Variants in BORCS5 observed in about 807,000 individuals in gnomAD.
BORCS5 encodes the protein BLOC-1-related complex subunit 5.
Under a neutral mutation model 22.1 loss-of-function variants are expected in BORCS5, and 17 were observed. The observed-to-expected ratio is 0.77, with a 90% CI of 0.53 to 1.15. BORCS5 has a LOEUF of 1.15. BORCS5 is among the 50% of genes most tolerant of loss of function. BORCS5 has a pLI of 0.00. For missense variants in BORCS5, 247 were observed against 253.2 expected, an observed-to-expected ratio of 0.98 and a Z score of 0.17; for synonymous variants, 117 against 99.8, an observed-to-expected ratio of 1.17 and a Z score of -1.03.
chr12:12,434,267 G>A (rs1942503616), intron 2 of BORCS5, among the ~76,000 whole-genome samples: 1 of 129,938 alleles, frequency 7.7e-6, no homozygotes, highest in Non-Finnish European at 1.6e-5. Flanking sequence ...GGGCAACAGA[G>A]CAAGACTCTG....
At chr12:12,450,073 AATTC>A (rs1328917691) in intron 3 of BORCS5, among the ~76,000 whole-genome samples, 1 of 152,224 alleles carries the variant, frequency 6.6e-6, no homozygotes, top group African/African-American at 2.4e-5. Flanking sequence ...ACACAGTTAT[AATTC>A]ATTGGGTAAA....
intron 2 of BORCS5, among the ~76,000 whole-genome samples, chr12:12,414,092 G>A (rs1592101783): frequency 1.1e-5 from 1 of 90,014 alleles, no homozygotes; most frequent in Non-Finnish European, 2.3e-5. Flanking sequence ...GGACGGGGCG[G>A]CTGGCCGGGC....
At chr12:12,379,524 TAA>T (rs1361762270) in intron 2 of BORCS5, among the ~76,000 whole-genome samples, 3 of 151,598 alleles carry the variant, frequency 2.0e-5, no homozygotes, top group African/African-American at 4.8e-5. Flanking sequence ...GTATTTGAAC[TAA>T]GTTATCTACT....
intron 2 of BORCS5, among the ~76,000 whole-genome samples, chr12:12,414,777 C>A (rs1344637943): frequency 7.2e-6 from 1 of 138,798 alleles, no homozygotes. Flanking sequence ...GACGGAGGGG[C>A]TCCTCACTTC....
At chr12:12,455,444 A>C (rs1296432083) in intron 3 of BORCS5, among the ~76,000 whole-genome samples, 1 of 152,202 alleles carries the variant, frequency 6.6e-6, no homozygotes, top group Non-Finnish European at 1.5e-5. Flanking sequence ...ATTAAAAGCT[A>C]AACATTACCT....
At chr12:12,367,944 C>CA (rs1228174162) in intron 2 of BORCS5, among the ~76,000 whole-genome samples, 7 of 152,206 alleles carry the variant, frequency 4.6e-5, no homozygotes, top group Non-Finnish European at 4.4e-5. Context: ...AGAAGACGAA[C>CA]ACTTTCTTTC....
At chr12:12,410,395 GT>G (rs1311474740) in intron 2 of BORCS5, among the ~76,000 whole-genome samples, 1 of 152,110 alleles carries the variant, frequency 6.6e-6, no homozygotes, top group Non-Finnish European at 1.5e-5. Flanking sequence ...TCTTGAATTA[GT>G]TTTTGTATAA....
chr12:12,376,234 T>C (rs1863648209), intron 2 of BORCS5, among the ~76,000 whole-genome samples: 1 of 150,280 alleles, frequency 6.7e-6, no homozygotes, highest in Non-Finnish European at 1.5e-5. Context: ...TGCTCTTCAG[T>C]CTTTTTTTTT....
At position 12,435,620 on chromosome 12, in the gene BORCS5, C is replaced by T. The variant is rs1565912205; in HGVS notation, c.203-8C>T. On this transcript the variant is annotated splice_polypyrimidine_tract_variant and splice_region_variant and intron_variant, in intron 2 of 3. Transcript: ENST00000314565. ...TTTAATTTCATTTCATTTTTTTCTC[C>T]TTTGAAGGGCTATTGAGTGGCCAGA... 5 of 1,599,052 alleles carry T rather than the reference C, an allele frequency of 3.1e-6. No homozygotes were observed. The highest frequency in any genetic ancestry group is 1.4e-5 in the African/African-American group (1 of 73,988).
chr12:12,388,858 A>G (rs1399111546), intron 2 of BORCS5, among the ~76,000 whole-genome samples: 2 of 94,812 alleles, frequency 2.1e-5, no homozygotes, highest in Non-Finnish European at 4.5e-5. Flanking sequence ...TGTTCCAGAT[A>G]TGAGCATAAC....
chr12:12,430,583 A>G (rs190821155), intron 2 of BORCS5, among the ~76,000 whole-genome samples: 3 of 152,160 alleles, frequency 2.0e-5, no homozygotes, highest in Admixed American at 2.0e-4. Context: ...TTACTCATAG[A>G]TGAGGAAAAA....
intron 2 of BORCS5, among the ~76,000 whole-genome samples, chr12:12,409,948 T>C (rs999580717): frequency 2.4e-4 from 36 of 152,352 alleles, no homozygotes; most frequent in African/African-American, 8.4e-4. Context: ...GGTATCTCAT[T>C]GTGGTTTTGA....
At chr12:12,366,107 C>T (rs892996274) in intron 2 of BORCS5, among the ~76,000 whole-genome samples, 2 of 152,182 alleles carry the variant, frequency 1.3e-5, no homozygotes, top group Admixed American at 1.3e-4. Flanking sequence ...TTTTTTCCCC[C>T]TTTCCTGCTT....
intron 2 of BORCS5, among the ~76,000 whole-genome samples, chr12:12,422,191 C>T (rs1942146365): frequency 6.6e-6 from 1 of 152,012 alleles, no homozygotes; most frequent in Non-Finnish European, 1.5e-5. Context: ...AGTGCTTATG[C>T]TGTTTTCTTT....
intron 3 of BORCS5, among the ~76,000 whole-genome samples, chr12:12,448,628 A>G (rs936509257): frequency 6.6e-6 from 1 of 150,952 alleles, no homozygotes; most frequent in Non-Finnish European, 1.5e-5. Flanking sequence ...TTCTGGTTTC[A>G]AGCGATTCTC....
chr12:12,399,718 C>T (rs548167232), intron 2 of BORCS5, among the ~76,000 whole-genome samples: 1 of 152,204 alleles, frequency 6.6e-6, no homozygotes, highest in African/African-American at 2.4e-5. Context: ...TTTAATGTCC[C>T]TTTGTAGGTT....
chr12:12,420,331 G>C (rs1370846397), intron 2 of BORCS5, among the ~76,000 whole-genome samples: 3 of 152,130 alleles, frequency 2.0e-5, no homozygotes, highest in Admixed American at 6.5e-5. Context: ...GTTTTTATCA[G>C]GTTTGTCAAA....
intron 3 of BORCS5, among the ~76,000 whole-genome samples, chr12:12,464,977 GTTA>G (rs1943172552): frequency 6.6e-6 from 1 of 152,094 alleles, no homozygotes; most frequent in Non-Finnish European, 1.5e-5. Context: ...TGGGATTTTT[GTTA>G]TTGTTGTTAG....
intron 3 of BORCS5, among the ~76,000 whole-genome samples, chr12:12,455,031 C>G (rs985327532): frequency 2.6e-5 from 4 of 152,204 alleles, no homozygotes; most frequent in Non-Finnish European, 5.9e-5. Context: ...ATATGCCCAT[C>G]TTCAAATAAC....
Sources: gnomAD v4.1 joint callset for allele counts (sites outside exome capture counted in the v4.1 genomes callset) on GRCh38, gnomAD v4.1.1 for gene constraint, MANE v1.5 for transcripts, NCBI Gene and HGNC (gene_info 2026-07-23, HGNC 2026-07-21) for gene names.